Variants in TRHDE observed in about 807,000 individuals in gnomAD.
The protein encoded by TRHDE is thyrotropin releasing hormone degrading enzyme.
A neutral mutation model predicts 125.7 loss-of-function variants in TRHDE; 72 were observed. That is an observed-to-expected ratio of 0.57 (90% CI 0.47 to 0.70). TRHDE has a LOEUF of 0.70. Ranked by LOEUF, TRHDE falls within the 30% of genes least tolerant of loss-of-function variation. The pLI is 0.00. For synonymous variants in TRHDE, 509 were observed against 509.1 expected (o/e 1.00, Z 0.00); for missense variants, 1,110 against 1,327.1 (o/e 0.84, Z 2.54).
At chr12:72,620,338 C>CAAA (rs3080963) in intron 13 of TRHDE, among the ~76,000 whole-genome samples, 232 of 64,906 alleles carry the variant, frequency 3.6e-3, no homozygotes, top group Middle Eastern at 0.01. Context: ...CCCATCTCTA[C>CAAA]AAAAAAAAAA....
chr12:72,316,099 T>G (rs1868788232), intron 2 of TRHDE, among the ~76,000 whole-genome samples: 1 of 152,158 alleles, frequency 6.6e-6, no homozygotes, highest in Non-Finnish European at 1.5e-5. Context: ...GGGTAGCTTG[T>G]CATTGAATAT....
At chr12:72,520,414 A>T (rs1369193203) in intron 6 of TRHDE, among the ~76,000 whole-genome samples, 4 of 152,264 alleles carry the variant, frequency 2.6e-5, no homozygotes, top group Admixed American at 6.5e-5. Flanking sequence ...CCAGGTGCCG[A>T]CCGTCACGCC....
At chr12:72,361,777 T>C (rs1304960810) in intron 2 of TRHDE, among the ~76,000 whole-genome samples, 1 of 143,606 alleles carries the variant, frequency 7.0e-6, no homozygotes, top group Non-Finnish European at 1.5e-5. Flanking sequence ...GTGATCTCAT[T>C]GTTCAATTCC....
intron 2 of TRHDE, among the ~76,000 whole-genome samples, chr12:72,325,255 A>G (rs902084490): frequency 1.3e-5 from 2 of 152,090 alleles, no homozygotes; most frequent in African/African-American, 4.8e-5. Flanking sequence ...CTATTTCTTC[A>G]GTTTAAATCT....
rs562920575 is a variant in TRHDE, at chr12:72,513,820, GAAGTTTAATGGGAGGCCTCCCATA to G, written c.1722+14189_1722+14212del. Among the ~76,000 whole-genome samples, 24 of 152,148 alleles carry G rather than the reference GAAGTTTAATGGGAGGCCTCCCATA, an allele frequency of 1.6e-4. No individual in the cohort carries two copies. In the South Asian group the frequency reaches 5.0e-3, roughly 32 times the overall value. On this transcript the variant is annotated intron_variant, in intron 6 of 18. Coordinates refer to ENST00000261180, the MANE Select transcript of TRHDE (RefSeq NM_013381.3). The stretch of plus-strand genomic sequence containing the variant: ...GAAAATAAGACAAAGCCGAAGGTGA[GAAGTTTAATGGGAGGCCTCCCATA>G]AAGCCAGGACCTTAAAGAGTTACAC...
chr12:72,630,388 A>G (rs1873443787), intron 15 of TRHDE, among the ~76,000 whole-genome samples: 1 of 151,754 alleles, frequency 6.6e-6, no homozygotes, highest in African/African-American at 2.4e-5. Flanking sequence ...TGCTGGAGCC[A>G]TTAGAAGCTG....
At chr12:72,662,922 AT>A in intron 18 of TRHDE, 129 bp from the exon 19 acceptor site, 1 of 879,504 alleles carries the variant, frequency 1.1e-6, no homozygotes, top group Non-Finnish European at 1.7e-6. Context: ...TATATCTTCT[AT>A]AGTGGTCATG....
chr12:72,364,677 A>G (rs1308757395), intron 2 of TRHDE, among the ~76,000 whole-genome samples: 2 of 152,078 alleles, frequency 1.3e-5, no homozygotes, highest in East Asian at 1.9e-4. Flanking sequence ...CAGTGAAGGC[A>G]GAATGCTGTG....
intron 3 of TRHDE, among the ~76,000 whole-genome samples, chr12:72,430,713 C>T: frequency 6.6e-6 from 1 of 151,778 alleles, no homozygotes; most frequent in Non-Finnish European, 1.5e-5. Context: ...TAGTCTTTTT[C>T]ATGGTCATTT....
At chr12:72,182,070 T>C (rs1005502233) in intron 2 of TRHDE, among the ~76,000 whole-genome samples, 1 of 152,218 alleles carries the variant, frequency 6.6e-6, no homozygotes, top group African/African-American at 2.4e-5. Flanking sequence ...GTGGAACTTA[T>C]TAAATAACAA....
At chr12:72,504,889 A>C (rs1878297616) in intron 6 of TRHDE, among the ~76,000 whole-genome samples, 1 of 152,202 alleles carries the variant, frequency 6.6e-6, no homozygotes, top group Non-Finnish European at 1.5e-5. Context: ...CTCTGCCAAC[A>C]GTCAACCCCT....
At chr12:72,386,462 C>T (rs1442943941) in intron 3 of TRHDE, among the ~76,000 whole-genome samples, 1 of 152,144 alleles carries the variant, frequency 6.6e-6, no homozygotes, top group Non-Finnish European at 1.5e-5. Context: ...CTCATCTGCT[C>T]AAGGACATTG....
intron 3 of TRHDE, among the ~76,000 whole-genome samples, chr12:72,446,677 A>T (rs992226577): frequency 1.3e-5 from 2 of 152,120 alleles, no homozygotes; most frequent in Non-Finnish European, 2.9e-5. Context: ...TACCAAGCAA[A>T]TGGAAAACAA....
At chr12:72,226,075 A>G (rs567820157) in intron 2 of TRHDE, among the ~76,000 whole-genome samples, 7 of 152,236 alleles carry the variant, frequency 4.6e-5, no homozygotes, top group Non-Finnish European at 1.0e-4. Flanking sequence ...CATCTGCAGA[A>G]CAGTCCACCT....
intron 2 of TRHDE, among the ~76,000 whole-genome samples, chr12:72,180,642 GT>G (rs1877077922): frequency 6.6e-6 from 1 of 152,160 alleles, no homozygotes; most frequent in African/African-American, 2.4e-5. Flanking sequence ...GCTAGACTAT[GT>G]TTTTCTAGCT....
intron 3 of TRHDE, among the ~76,000 whole-genome samples, chr12:72,403,110 G>T (rs929638237): frequency 1.3e-5 from 2 of 152,102 alleles, no homozygotes; most frequent in East Asian, 3.9e-4. Flanking sequence ...CAACACACTC[G>T]CATACATACA....
rs921694870 is a variant in TRHDE, at chr12:72,669,649, G to A, written c.*6454G>A. On this transcript the variant is annotated 3_prime_UTR_variant, in exon 19 of 19. Transcript: ENST00000261180. ...CTTTACATAGCGTATGACCTACTCA[G>A]TGAGAACATTCATTATTAAGTTTTT... 18 of 151,682 alleles carry A rather than the reference G, an allele frequency of 1.2e-4. No individual in the cohort carries two copies. Among genetic ancestry groups the A allele is most frequent in the African/African-American group, 4.4e-4 (18 of 41,368 alleles). 9.4% of individuals were successfully genotyped at this position (151,682 alleles called of 1,614,324 possible). A position where few individuals can be genotyped will look rare whatever the true frequency, so the allele number is the denominator to read the frequency against.
intron 2 of TRHDE, chr12:72,257,874 A>G (rs1318718044): frequency 1.3e-5 from 2 of 152,140 alleles, no homozygotes; most frequent in African/African-American, 4.8e-5. Flanking sequence ...TCAAGTGAGG[A>G]GTTTGAATAC....
At chr12:72,475,136 A>G (rs1876831091) in intron 5 of TRHDE, among the ~76,000 whole-genome samples, 1 of 152,196 alleles carries the variant, frequency 6.6e-6, no homozygotes, top group Admixed American at 6.5e-5. Flanking sequence ...ATACAACATT[A>G]TATTATTGGA....
Sources: gnomAD v4.1 joint callset for allele counts (sites outside exome capture counted in the v4.1 genomes callset) on GRCh38, gnomAD v4.1.1 for gene constraint, MANE v1.5 for transcripts, NCBI Gene and HGNC (gene_info 2026-07-23, HGNC 2026-07-21) for gene names.